The following CDH20 variants were observed in gnomAD, a reference collection of about 807,000 sequenced individuals.
CDH20 encodes cadherin-20.
Under a neutral mutation model 74.2 loss-of-function variants are expected in CDH20, and 29 were observed. The ratio of observed to expected loss-of-function variants is 0.39; its 90% CI spans 0.29 to 0.53. The LOEUF is 0.53. Among genes scored for constraint, CDH20 ranks in the 20% least tolerant of loss-of-function variants. The pLI, the probability that CDH20 is intolerant of heterozygous loss-of-function variation, is 0.69. For synonymous variants in CDH20, 469 were observed against 405.4 expected, an observed-to-expected ratio of 1.16 and a Z score of -1.88; for missense variants, 988 against 1,048.3, an observed-to-expected ratio of 0.94 and a Z score of 0.79.
intron 1 of CDH20, among the ~76,000 whole-genome samples, chr18:61,422,537 A>T (rs1461601301): frequency 6.6e-6 from 1 of 152,178 alleles, no homozygotes; most frequent in Non-Finnish European, 1.5e-5. Flanking sequence ...AGAAGCTGTT[A>T]TCAGAAGAAA....
In CDH20 at chr18:61,554,454, T is replaced by C. The variant is rs147507320; in HGVS notation, c.2165T>C (p.Val722Ala). 178 of 1,613,304 alleles carry C rather than the reference T, an allele frequency of 1.1e-4. 1 individual carries two copies. In the Admixed American group the frequency reaches 2.2e-3, roughly 20 times the overall value. ...CAGACGTGCGCAGTGAACAGCACTG[T>C]CCACAGCTACGTGCTGGCCAAGCTC... ...VPQTCAVNST[V>A]HSYVLAKLYE... is the part of the protein sequence containing the mutation. The change falls in exon 12 of 12, where the codon GTC becomes GCC. Residue 722 changes from valine (V) to alanine (A), a missense_variant. Val to Ala is a moderately conservative substitution (Grantham distance 64). This residue lies in a region of CDH20 where 375 missense variants were observed against 293.1 expected (regional missense o/e 1.28). Coordinates refer to ENST00000262717, the MANE Select transcript of CDH20 (RefSeq NM_031891.4).
chr18:61,545,869 C>A (rs2144405476), intron 10 of CDH20, among the ~76,000 whole-genome samples: 1 of 152,282 alleles, frequency 6.6e-6, no homozygotes, highest in Admixed American at 6.5e-5. Context: ...AAACTGCTCC[C>A]CGCTATAGCT....
chr18:61,341,454 G>A (rs1909947899), intron 1 of CDH20, among the ~76,000 whole-genome samples: 1 of 152,036 alleles, frequency 6.6e-6, no homozygotes, highest in South Asian at 2.1e-4. Flanking sequence ...TTCCATTGTG[G>A]GTTAGGATTT....
At chr18:61,412,096 A>G (rs929133773) in intron 1 of CDH20, among the ~76,000 whole-genome samples, 2 of 152,126 alleles carry the variant, frequency 1.3e-5, no homozygotes, top group African/African-American at 4.8e-5. Context: ...TAAAAGATAC[A>G]TGATGGATTG....
chr18:61,498,932 G>A (rs1375846880), intron 2 of CDH20, among the ~76,000 whole-genome samples: 1 of 152,116 alleles, frequency 6.6e-6, no homozygotes, highest in Non-Finnish European at 1.5e-5. Context: ...TTATCAGGGA[G>A]AAGAATTTTG....
At position 61,346,721 on chromosome 18, in the gene CDH20, G is replaced by A. The variant is rs80213634; in HGVS notation, c.-153+12894G>A. 9.0e-3 allele frequency among the ~76,000 whole-genome samples: 1,374 copies of A among 152,266 alleles called. 20 individuals carry two copies. Among genetic ancestry groups the A allele is most frequent in the African/African-American group, 0.032 (1,316 of 41,550 alleles). ...ACTAATTGAGAGAACAGAAGAGGTC[G>A]GGATTGTGTGAAATTGTAAATGATC... On this transcript the variant is annotated intron_variant, in intron 1 of 11. Coordinates refer to ENST00000262717, the MANE Select transcript of CDH20 (RefSeq NM_031891.4).
intron 7 of CDH20, among the ~76,000 whole-genome samples, chr18:61,533,310 T>TAAAG (rs1398098804): frequency 6.6e-6 from 1 of 151,988 alleles, no homozygotes; most frequent in East Asian, 1.9e-4. Flanking sequence ...AACCCATTTC[T>TAAAG]AAAGAAAGAA....
intron 2 of CDH20, among the ~76,000 whole-genome samples, chr18:61,493,157 T>C (rs1346355422): frequency 6.6e-6 from 1 of 152,236 alleles, no homozygotes; most frequent in African/African-American, 2.4e-5. Context: ...GACTTTTCAT[T>C]GACTTCTCCT....
chr18:61,454,107 T>C (rs1378174047), intron 1 of CDH20, among the ~76,000 whole-genome samples: 1 of 152,206 alleles, frequency 6.6e-6, no homozygotes, highest in Non-Finnish European at 1.5e-5. Context: ...GATATCTTCT[T>C]TGGTGATACG....
chr18:61,391,998 G>A (rs1201282595), intron 1 of CDH20, among the ~76,000 whole-genome samples: 1 of 151,888 alleles, frequency 6.6e-6, no homozygotes, highest in Admixed American at 6.6e-5. Flanking sequence ...CTTCCACACT[G>A]CAGCTGTGGG....
At chr18:61,524,143 T>C (rs1298766883) in intron 6 of CDH20, among the ~76,000 whole-genome samples, 2 of 152,046 alleles carry the variant, frequency 1.3e-5, no homozygotes, top group Admixed American at 6.6e-5. Flanking sequence ...AAATCATACA[T>C]CTGACAATGG....
chr18:61,434,365 T>C (rs934223000), intron 1 of CDH20, among the ~76,000 whole-genome samples: 1 of 152,200 alleles, frequency 6.6e-6, no homozygotes, highest in African/African-American at 2.4e-5. Flanking sequence ...AGTGTACAGG[T>C]TATGTGGTGA....
rs1318792053 is a variant in CDH20 at position 61,353,356 on chromosome 18, T to A, written c.-153+19529T>A. Among the ~76,000 whole-genome samples the A allele has an allele frequency of 2.0e-5, 3 of 152,186 alleles. No individual in the cohort carries two copies. Among genetic ancestry groups the A allele is most frequent in the Non-Finnish European group, 4.4e-5 (3 of 68,032 alleles). On this transcript the variant is annotated intron_variant, in intron 1 of 11. Coordinates refer to ENST00000262717, the MANE Select transcript of CDH20 (RefSeq NM_031891.4). This position sits in a 1 kb window ranked among gnomAD's most constrained non-coding sequence, Gnocchi z 4.6. ...TGTTCTCAATCTCTCTACATCTGAC[T>A]ACTCATCAAGGCTCACCTCTCCACA...
chr18:61,534,318 T>C (rs1912750451), intron 7 of CDH20, among the ~76,000 whole-genome samples: 2 of 152,218 alleles, frequency 1.3e-5, no homozygotes, highest in African/African-American at 4.8e-5. Flanking sequence ...GAAAACAGTA[T>C]GGAGGTTCCT....
intron 1 of CDH20, among the ~76,000 whole-genome samples, chr18:61,386,422 T>A (rs1186447713): frequency 6.6e-6 from 1 of 152,200 alleles, no homozygotes; most frequent in Non-Finnish European, 1.5e-5. Flanking sequence ...ATGAACTGAA[T>A]CTGCCTATGA....
chr18:61,503,023 C>G lies in CDH20; in HGVS notation c.732C>G (p.Ala244=). 6.2e-7 allele frequency: 1 copy of G among 1,613,748 alleles called. No homozygotes were observed. Among genetic ancestry groups the G allele is most frequent in the African/African-American group, 1.3e-5 (1 of 75,032 alleles). The change falls in exon 5 of 12, where the codon GCC becomes GCG. Residue 244 remains alanine, a synonymous_variant. Transcript: ENST00000262717. Reference sequence around the variant, plus strand: ...AATACTACGAAGTGATTATCCAAGCCAAGGACATGGGAGGGCAGCTTGGAG... The same window carrying G: ...AATACTACGAAGTGATTATCCAAGCGAAGGACATGGGAGGGCAGCTTGGAG... ...AKEYYEVIIQ[A]KDMGGQLGGL... is the part of the protein sequence containing the mutation.
chr18:61,374,715 G>C (rs1911156472), intron 1 of CDH20, among the ~76,000 whole-genome samples: 1 of 152,004 alleles, frequency 6.6e-6, no homozygotes, highest in Non-Finnish European at 1.5e-5. Flanking sequence ...GCTTCCAGTT[G>C]TGTGTTAAAG....
intron 4 of CDH20, among the ~76,000 whole-genome samples, chr18:61,500,947 G>A (rs1911360018): frequency 6.6e-6 from 1 of 152,232 alleles, no homozygotes; most frequent in Admixed American, 6.5e-5. Context: ...ATCAGATAAA[G>A]CAATTGGGAA....
At chr18:61,504,924 G>A (rs1300384878) in intron 5 of CDH20, among the ~76,000 whole-genome samples, 1 of 152,000 alleles carries the variant, frequency 6.6e-6, no homozygotes, top group Non-Finnish European at 1.5e-5. Context: ...AAGGGTGCAA[G>A]TAACTAAGTT....
Sources: gnomAD v4.1 joint callset for allele counts (sites outside exome capture counted in the v4.1 genomes callset) on GRCh38, gnomAD v4.1.1 for gene constraint, gnomAD v4.1.1 regional missense constraint, Gnocchi (gnomAD v3.1) non-coding constraint, MANE v1.5 for transcripts, NCBI Gene and HGNC (gene_info 2026-07-23, HGNC 2026-07-21) for gene names.